The following ZBTB21 variants were observed in gnomAD, a reference collection of about 807,000 sequenced individuals.
The protein encoded by ZBTB21 is zinc finger and BTB domain containing 21.
In ZBTB21, 10 loss-of-function variants were observed where a neutral mutation model predicts 39.8. That is an observed-to-expected ratio of 0.25 (90% CI 0.16 to 0.43). The LOEUF is 0.43. Ranked by LOEUF, ZBTB21 falls within the 20% of genes least tolerant of loss-of-function variation. ZBTB21 has a pLI of 1.00. For synonymous variants in ZBTB21, 551 were observed against 498.8 expected (o/e 1.10, Z -1.40); for missense variants, 1,221 against 1,296.3 (o/e 0.94, Z 0.89).
intron 2 of ZBTB21, among the ~76,000 whole-genome samples, chr21:42,001,345 C>G (rs149911034): frequency 0.014 from 2,164 of 152,340 alleles, 47 homozygotes; most frequent in Non-Finnish European, 0.015. Flanking sequence ...GTCACCCAGA[C>G]AATTATAGAC....
rs1418764442 is a variant in ZBTB21, at chr21:41,988,336, CA to C, written c.*2558del. On this transcript the variant is annotated 3_prime_UTR_variant, in exon 3 of 3. Coordinates refer to ENST00000310826, the MANE Select transcript of ZBTB21 (RefSeq NM_001098402.2). Reference sequence around the variant, plus strand: ...TGGAATAAAGAGCTTTCTACATTTTCAAAATTAATTACAATCCTAAAATATA... The same window carrying C: ...TGGAATAAAGAGCTTTCTACATTTTCAAATTAATTACAATCCTAAAATATA... 6.6e-6 allele frequency: 1 copy of C among 152,196 alleles called. No individual in the cohort carries two copies. The highest frequency in any genetic ancestry group is 1.5e-5 in the Non-Finnish European group (1 of 68,016). 9.4% of individuals were successfully genotyped at this position (152,196 alleles called of 1,614,324 possible). A position where few individuals can be genotyped will look rare whatever the true frequency, so the allele number is the denominator to read the frequency against.
In ZBTB21 at chr21:41,992,062, C is replaced by A; in HGVS notation, c.2034G>T (p.Ala678=). The change falls in exon 3 of 3, where the codon GCG becomes GCT. Residue 678 remains alanine, a synonymous_variant. Transcript: ENST00000310826. This position sits in a 1 kb window ranked among gnomAD's most constrained non-coding sequence, Gnocchi z 4.1. ...GAYICTYCGK[A]YRFLSQFKQH... is the part of the protein sequence containing the mutation. ...GCTTAAATTGAGAGAGAAAGCGGTA[C>A]GCTTTTCCGCAGTAAGTACAAATGT... 1 of 1,614,214 alleles carries A rather than the reference C, an allele frequency of 6.2e-7. No individual in the cohort carries two copies. Among genetic ancestry groups the A allele is most frequent in the Non-Finnish European group, 8.5e-7 (1 of 1,180,042 alleles).
chr21:42,006,773 T>C (rs904019130), intron 1 of ZBTB21, among the ~76,000 whole-genome samples: 1 of 152,170 alleles, frequency 6.6e-6, no homozygotes, highest in Non-Finnish European at 1.5e-5. Context: ...GGTAATTAAG[T>C]TAAAATGAGG....
rs113375440 is a variant in ZBTB21, at chr21:41,992,884, C to A, written c.1212G>T (p.Pro404=). ...ALDDRPQVLQ[P]HRLRSFSASQ... ...AAGCACTAAAGGACCTGAGGCGATG[C>A]GGTTGTAGCACTTGAGGCCTGTCAT... is the stretch of plus-strand genomic sequence containing the variant. The change falls in exon 3 of 3, where the codon CCG becomes CCT. Residue 404 remains proline (P), a synonymous_variant. Transcript: ENST00000310826. This position sits in a 1 kb window ranked among gnomAD's most constrained non-coding sequence, Gnocchi z 4.1. 8 of 1,614,050 alleles carry A rather than the reference C, an allele frequency of 5.0e-6. No homozygotes were observed. The highest frequency in any genetic ancestry group is 2.7e-5 in the African/African-American group (2 of 74,918).
chr21:41,987,694 A>C lies in ZBTB21; in HGVS notation c.*3201T>G, dbSNP rs530015872. On this transcript the variant is annotated 3_prime_UTR_variant, in exon 3 of 3. Transcript: ENST00000310826. ...AAATAATTTTACTTCCTGAAGTTCC[A>C]GATTACAGTTGTATACACACATGCA... 2.5e-4 allele frequency: 38 copies of C among 152,324 alleles called. No individual in the cohort carries two copies. The highest frequency in any genetic ancestry group is 8.4e-4 in the African/African-American group (35 of 41,568). 9.4% of individuals were successfully genotyped at this position (152,324 alleles called of 1,614,324 possible). A position where few individuals can be genotyped will look rare whatever the true frequency, so the allele number is the denominator to read the frequency against.
rs997999503 is a variant in ZBTB21, at chr21:41,988,787, T to C, written c.*2108A>G. ...TTTTTTTTTTTACTGATTAACAATA[T>C]TATTTTTAAAAAATCTTCGAAAATG... On this transcript the variant is annotated 3_prime_UTR_variant, in exon 3 of 3. Transcript: ENST00000310826. The C allele has an allele frequency of 1.3e-5, 2 of 152,094 alleles. No homozygotes were observed. Among genetic ancestry groups the C allele is most frequent in the African/African-American group, 4.8e-5 (2 of 41,426 alleles). The allele number at this position is 152,094 out of a possible 1,614,324, so 9.4% of individuals were successfully genotyped here.
rs995504957 is a variant in ZBTB21, at chr21:41,991,793, C to T, written c.2303G>A (p.Ser768Asn). 9 of 1,614,252 alleles carry T rather than the reference C, an allele frequency of 5.6e-6. No homozygotes were observed. The highest frequency in any genetic ancestry group is 7.6e-6 in the Non-Finnish European group (9 of 1,180,052). The change falls in exon 3 of 3, where the codon AGC (serine) becomes AAC (asparagine). Residue 768 changes from serine to asparagine, a missense_variant. By Grantham distance (46) the Ser-to-Asn change is conservative. Transcript: ENST00000310826. The surrounding 1 kb of genome is among the most constrained non-coding windows in gnomAD (Gnocchi z 4.9). ...GGTCAGCTTCTTATACTCACACTTG[C>T]TCTCGTGTTCTTGCTTCAGCTCGGG... Reference protein sequence around the residue: ...FSPELKQEHESKCEYKKLTCL... With the variant: ...FSPELKQEHENKCEYKKLTCL...
intron 1 of ZBTB21, among the ~76,000 whole-genome samples, chr21:42,005,274 A>T (rs1029196256): frequency 6.6e-6 from 1 of 152,240 alleles, no homozygotes; most frequent in African/African-American, 2.4e-5. Flanking sequence ...TGTGTGCTAC[A>T]GCCTGATGTG....
intron 2 of ZBTB21, among the ~76,000 whole-genome samples, chr21:41,999,795 G>A (rs1408314779): frequency 6.6e-6 from 1 of 152,190 alleles, no homozygotes; most frequent in Non-Finnish European, 1.5e-5. Context: ...TGTGTGCTGG[G>A]AGCCATGTAA....
At chr21:42,001,428 C>T (rs1314951271) in intron 2 of ZBTB21, among the ~76,000 whole-genome samples, 2 of 152,196 alleles carry the variant, frequency 1.3e-5, no homozygotes, top group South Asian at 2.1e-4. Flanking sequence ...ACAAGTATGG[C>T]CCTGCCTCAT....
At chr21:42,009,904 C>T (rs1030953263) in intron 1 of ZBTB21, among the ~76,000 whole-genome samples, 1 of 152,198 alleles carries the variant, frequency 6.6e-6, no homozygotes, top group African/African-American at 2.4e-5. Context: ...GGGCGCGCGC[C>T]TGGGCCAGGC....
intron 2 of ZBTB21, among the ~76,000 whole-genome samples, chr21:41,998,410 C>T (rs142039149): frequency 1.3e-4 from 20 of 152,180 alleles, no homozygotes; most frequent in African/African-American, 1.9e-4. Context: ...AGACTGGTCC[C>T]GAACTCCTGA....
intron 2 of ZBTB21, among the ~76,000 whole-genome samples, chr21:42,000,146 G>A (rs141417070): frequency 1.3e-3 from 194 of 152,284 alleles, no homozygotes; most frequent in African/African-American, 4.3e-3. Context: ...CAGAAGGTGT[G>A]GAGTTAAGTA....
At chr21:42,007,479 G>A (rs530306751) in intron 1 of ZBTB21, among the ~76,000 whole-genome samples, 1 of 152,194 alleles carries the variant, frequency 6.6e-6, no homozygotes, top group African/African-American at 2.4e-5. Flanking sequence ...TGCATATCCA[G>A]CCTCTGCCAC....
chr21:41,991,273 C>T lies in ZBTB21; in HGVS notation c.2823G>A (p.Val941=). ...AATTAGTGCGAAAAGCTTTGTTGCA[C>T]ACGTGACAAATAAATGGTTTCACAG... The part of the protein sequence containing the change: ...LCSVKPFICH[V]CNKAFRTNFR... The change falls in exon 3 of 3, where the codon GTG becomes GTA. Residue 941 remains valine, a synonymous_variant. Coordinates refer to ENST00000310826, the MANE Select transcript of ZBTB21 (RefSeq NM_001098402.2). This position sits in a 1 kb window ranked among gnomAD's most constrained non-coding sequence, Gnocchi z 4.9. 1 of 1,613,984 alleles carries T rather than the reference C, an allele frequency of 6.2e-7. No individual in the cohort carries two copies. Among genetic ancestry groups the T allele is most frequent in the Non-Finnish European group, 8.5e-7 (1 of 1,179,900 alleles).
chr21:41,992,473 T>C lies in ZBTB21; in HGVS notation c.1623A>G (p.Arg541=). The C allele has an allele frequency of 6.2e-7, 1 of 1,614,162 alleles. No homozygotes were observed. The highest frequency in any genetic ancestry group is 8.5e-7 in the Non-Finnish European group (1 of 1,180,036). The part of the protein sequence containing the change: ...KDEFGELEGT[R]PNKKFKCKHC... The stretch of plus-strand genomic sequence containing the variant: ...GTTTGCATTTAAATTTTTTGTTTGG[T>C]CTCGTCCCCTCCAACTCACCAAATT... Residue 541 remains arginine (R), a synonymous_variant, in exon 3 of 3, where the codon AGA becomes AGG. Coordinates refer to ENST00000310826, the MANE Select transcript of ZBTB21 (RefSeq NM_001098402.2). The surrounding 1 kb of genome is among the most constrained non-coding windows in gnomAD (Gnocchi z 4.1).
chr21:41,991,654 C>T lies in ZBTB21; in HGVS notation c.2442G>A (p.Leu814=). The change falls in exon 3 of 3, where the codon TTG becomes TTA. Residue 814 remains leucine, a synonymous_variant. Coordinates refer to ENST00000310826, the MANE Select transcript of ZBTB21 (RefSeq NM_001098402.2). The surrounding 1 kb of genome is among the most constrained non-coding windows in gnomAD (Gnocchi z 4.9). ...APTENFSLPV[L]DHNGDVTGSS... ...AACCAGTCACATCACCATTGTGGTC[C>T]AAAACGGGCAAAGAAAAGTTTTCGG... The T allele has an allele frequency of 6.2e-7, 1 of 1,614,074 alleles. No individual in the cohort carries two copies. The highest frequency in any genetic ancestry group is 8.5e-7 in the Non-Finnish European group (1 of 1,180,024).
Position 41,990,850 on chromosome 21 carries a change from T to C in ZBTB21, c.*45A>G, listed in dbSNP as rs370839109. Reference sequence around the variant, plus strand: ...CTTATGACACATTTCACAATTCAGGTTGAAATCTGGGGACTGCCTCCCATA... The same window carrying C: ...CTTATGACACATTTCACAATTCAGGCTGAAATCTGGGGACTGCCTCCCATA... On this transcript the variant is annotated 3_prime_UTR_variant, in exon 3 of 3. Coordinates refer to ENST00000310826, the MANE Select transcript of ZBTB21 (RefSeq NM_001098402.2). 1.4e-6 allele frequency: 2 copies of C among 1,396,624 alleles called. No individual in the cohort carries two copies. The highest frequency in any genetic ancestry group is 1.5e-5 in the African/African-American group (1 of 68,768). The allele number at this position is 1,396,624 out of a possible 1,614,324, so 86.5% of individuals were successfully genotyped here. A position where few individuals can be genotyped will look rare whatever the true frequency, so the allele number is the denominator to read the frequency against.
intron 2 of ZBTB21, among the ~76,000 whole-genome samples, chr21:41,998,866 G>A (rs1444909228): frequency 6.6e-6 from 1 of 152,190 alleles, no homozygotes; most frequent in Non-Finnish European, 1.5e-5. Flanking sequence ...TGGTCAGACT[G>A]TACCAAGTTT....
Sources: gnomAD v4.1 joint callset for allele counts (sites outside exome capture counted in the v4.1 genomes callset) on GRCh38, gnomAD v4.1.1 for gene constraint, Gnocchi (gnomAD v3.1) non-coding constraint, MANE v1.5 for transcripts, NCBI Gene and HGNC (gene_info 2026-07-23, HGNC 2026-07-21) for gene names.